The following MAP7D1 variants were observed in gnomAD, a reference collection of about 807,000 sequenced individuals.
The protein encoded by MAP7D1 is MAP7 domain containing 1.
Under a neutral mutation model 97.5 loss-of-function variants are expected in MAP7D1, and 30 were observed. That is an observed-to-expected ratio of 0.31 (90% CI 0.23 to 0.42). The LOEUF (loss-of-function observed/expected upper bound fraction) is 0.42. MAP7D1 is among the 10% of genes least tolerant of loss of function. MAP7D1 has a pLI of 1.00. For missense variants in MAP7D1, 1,184 were observed against 1,179.5 expected, an observed-to-expected ratio of 1.00 and a Z score of -0.06; for synonymous variants, 536 against 477.1, an observed-to-expected ratio of 1.12 and a Z score of -1.61.
In MAP7D1 at chr1:36,179,348, TG is replaced by T. The variant is rs750523579; in HGVS notation, c.2184+39del. 1.5e-5 allele frequency: 24 copies of T among 1,612,416 alleles called. No homozygotes were observed. In the South Asian group the frequency reaches 2.0e-4, roughly 13 times the overall value. On this transcript the variant is annotated intron_variant, in intron 13 of 16. Transcript: ENST00000474796. The stretch of plus-strand genomic sequence containing the variant: ...TTCCCCCGAAGGGCAGTGCTGGGCG[TG>T]GGGGGCAGGGTGTGAAAAGGAGGCT...
intron 8 of MAP7D1, chr1:36,177,600 G>A (rs1267806498): frequency 5.8e-6 from 4 of 694,436 alleles, no homozygotes; most frequent in East Asian, 2.8e-5. Context: ...CTGAGGACAC[G>A]TTGCTGAGCT....
chr1:36,157,635 C>G (rs1422041861), intron 1 of MAP7D1, among the ~76,000 whole-genome samples: 1 of 152,168 alleles, frequency 6.6e-6, no homozygotes, highest in African/African-American at 2.4e-5. Context: ...GCCCCATCCC[C>G]ACACCCCCAT....
chr1:36,178,954 G>C lies in MAP7D1; in HGVS notation c.2059G>C (p.Ala687Pro). ...EEAEARSREE[A>P]ERQRLEREKH... is the part of the protein sequence containing the mutation. ...GGCCGAAGCTCGGTCGCGGGAAGAG[G>C]CGGAGCGGCAGCGTCTGGAGCGGGA... Residue 687 changes from alanine to proline, a missense_variant, in exon 12 of 17, where the codon GCG becomes CCG. Ala to Pro is a conservative substitution (Grantham distance 27). Transcript: ENST00000474796. 6.4e-7 allele frequency: 1 copy of C among 1,558,926 alleles called. No homozygotes were observed. Among genetic ancestry groups the C allele is most frequent in the Non-Finnish European group, 8.7e-7 (1 of 1,151,550 alleles).
intron 3 of MAP7D1, chr1:36,172,239 G>A (rs1644555067): frequency 5.1e-6 from 2 of 393,462 alleles, no homozygotes. Flanking sequence ...TCAGCCCTGA[G>A]AGCCCATAAG....
chr1:36,177,000 G>T lies in MAP7D1; in HGVS notation c.1379+158G>T, dbSNP rs928054858. On this transcript the variant is annotated intron_variant, in intron 8 of 16. Transcript: ENST00000474796. The surrounding 1 kb of genome is among the most constrained non-coding windows in gnomAD (Gnocchi z 6.1). ...GGATCTCCCTCTGTCACCCAGGCTG[G>T]AGTGCAGTGGCACAATCTCGGCTCA... Among the ~76,000 whole-genome samples, 1 of 152,154 alleles carries T rather than the reference G, an allele frequency of 6.6e-6. No individual in the cohort carries two copies. The highest frequency in any genetic ancestry group is 1.5e-5 in the Non-Finnish European group (1 of 68,020).
chr1:36,177,162 C>T (rs1386553275), intron 8 of MAP7D1, among the ~76,000 whole-genome samples: 2 of 152,154 alleles, frequency 1.3e-5, no homozygotes, highest in Non-Finnish European at 2.9e-5. Context: ...GTTGTCCAGG[C>T]TGATCTTGAA....
At position 36,178,530 on chromosome 1, in the gene MAP7D1, G is replaced by A. The variant is rs1255070117; in HGVS notation, c.1820G>A (p.Arg607Gln). 1 of 1,603,812 alleles carries A rather than the reference G, an allele frequency of 6.2e-7. No homozygotes were observed. Among genetic ancestry groups the A allele is most frequent in the Non-Finnish European group, 8.5e-7 (1 of 1,175,686 alleles). ...GCCACTCGGCTCTTGGCTGAGAAGC[G>A]GCGCCAGGCCCGGGAGCAGCGGGAG... ...EEATRLLAEKRRQAREQRERE... is the reference protein window; with the variant it reads ...EEATRLLAEKQRQAREQRERE... Residue 607 changes from arginine (R) to glutamine (Q), a missense_variant, in exon 10 of 17, where the codon CGG (arginine) becomes CAG (glutamine). Arg to Gln is a conservative substitution (Grantham distance 43). Coordinates refer to ENST00000474796, the MANE Select transcript of MAP7D1 (RefSeq NM_001388490.1).
rs1393845386 is a variant in MAP7D1 at position 36,166,176 on chromosome 1, G to GT, written c.47-4792dup. On this transcript the variant is annotated intron_variant, in intron 1 of 16. Coordinates refer to ENST00000474796, the MANE Select transcript of MAP7D1 (RefSeq NM_001388490.1). ...GAGAAACAGCCACTGAGGAAATATT[G>GT]TTTCCTCAGTACAAAGCCCTGAGGC... Among the ~76,000 whole-genome samples the GT allele has an allele frequency of 1.2e-4, 18 of 152,246 alleles. No individual in the cohort carries two copies. The East Asian group carries it at 3.3e-3, about 28-fold the overall frequency.
At position 36,178,191 on chromosome 1, in the gene MAP7D1, G is replaced by A. The variant is rs1275374414; in HGVS notation, c.1698G>A (p.Glu566=). 1 of 1,567,468 alleles carries A rather than the reference G, an allele frequency of 6.4e-7. No homozygotes were observed. The highest frequency in any genetic ancestry group is 8.6e-7 in the Non-Finnish European group (1 of 1,157,608). The change falls in exon 9 of 17, where the codon GAG becomes GAA. Residue 566 remains glutamate, a synonymous_variant. Coordinates refer to ENST00000474796, the MANE Select transcript of MAP7D1 (RefSeq NM_001388490.1). The stretch of plus-strand genomic sequence containing the variant: ...CCCAGAAGGAGCAGCCCCCCGCGGA[G>A]ACCCCTACAGGTAGGAATGAAGAGA... ...APPQKEQPPA[E]TPTDAAVLTS...
At chr1:36,177,642 T>C (rs552529458) in intron 8 of MAP7D1, 1 of 763,120 alleles carries the variant, frequency 1.3e-6, no homozygotes, top group Non-Finnish European at 2.3e-6. Context: ...CTTATTAAGC[T>C]TACAGGCTAT....
intron 1 of MAP7D1, among the ~76,000 whole-genome samples, chr1:36,157,512 C>G (rs1287065956): frequency 6.6e-6 from 1 of 152,166 alleles, no homozygotes; most frequent in Non-Finnish European, 1.5e-5. Context: ...GGACAGGTTT[C>G]TGGTTGGGCT....
chr1:36,168,941 CAGTG>C (rs1481046465), intron 1 of MAP7D1, among the ~76,000 whole-genome samples: 1 of 152,030 alleles, frequency 6.6e-6, no homozygotes, highest in Non-Finnish European at 1.5e-5. Context: ...TAACTATTGT[CAGTG>C]AGGATTAAAA....
At chr1:36,168,686 G>A (rs1266656222) in intron 1 of MAP7D1, among the ~76,000 whole-genome samples, 3 of 152,250 alleles carry the variant, frequency 2.0e-5, no homozygotes, top group Admixed American at 6.5e-5. Context: ...ATCCTAGCAA[G>A]CTGGATGGGA....
At chr1:36,175,130 A>C (rs1886395) in intron 6 of MAP7D1, 122 bp downstream of exon 6, 1 of 669,106 alleles carries the variant, frequency 1.5e-6, no homozygotes. Flanking sequence ...CCCCATCCCC[A>C]CTCTACCTTA....
intron 1 of MAP7D1, among the ~76,000 whole-genome samples, chr1:36,164,740 T>C (rs1351117382): frequency 6.6e-6 from 1 of 152,150 alleles, no homozygotes; most frequent in African/African-American, 2.4e-5. Flanking sequence ...AAGTTTCAAG[T>C]GGCAAAGAGC....
At chr1:36,167,158 T>C (rs1644483866) in intron 1 of MAP7D1, among the ~76,000 whole-genome samples, 1 of 151,962 alleles carries the variant, frequency 6.6e-6, no homozygotes, top group African/African-American at 2.4e-5. Flanking sequence ...TGCGTGTGGA[T>C]AGAAAATAAA....
At chr1:36,173,325 C>A in intron 4 of MAP7D1, 39 bp from the exon 5 acceptor site, 2 of 1,500,600 alleles carry the variant, frequency 1.3e-6, no homozygotes, top group Non-Finnish European at 1.8e-6. Flanking sequence ...GATGAATGTT[C>A]TGAGTCCACA....
rs146238681 is a variant in MAP7D1 at position 36,156,602 on chromosome 1, TGCG to T, written c.46+151_46+153del. ...CACTTGGAAGTTTAAAAATAAAGGC[TGCG>T]GCGGCGGCGGCTCCAGGCTCGCGAT... On this transcript the variant is annotated intron_variant, in intron 1 of 16. Coordinates refer to ENST00000474796, the MANE Select transcript of MAP7D1 (RefSeq NM_001388490.1). 5,787 of 626,610 alleles carry T rather than the reference TGCG, an allele frequency of 9.2e-3. 223 individuals are homozygous for T. In the East Asian group the frequency reaches 0.12, roughly 13 times the overall value. 38.8% of individuals were successfully genotyped at this position (626,610 alleles called of 1,614,324 possible).
Position 36,171,159 on chromosome 1 carries a change from C to A in MAP7D1, c.235C>A (p.Pro79Thr). The change falls in exon 2 of 17, where the codon CCA becomes ACA. Residue 79 changes from proline to threonine, a missense_variant. Transcript: ENST00000474796. ...ESPSGQVGPRPAPPQEESPSS... is the reference protein window; with the variant it reads ...ESPSGQVGPRTAPPQEESPSS... ...CCCCTCAGGGCAGGTCGGGCCTAGG[C>A]CAGCCCCCCCGCAGGAAGAGTCCCC... 6.2e-7 allele frequency: 1 copy of A among 1,614,000 alleles called. No individual in the cohort carries two copies. Among genetic ancestry groups the A allele is most frequent in the Non-Finnish European group, 8.5e-7 (1 of 1,179,932 alleles).
Sources: gnomAD v4.1 joint callset for allele counts (sites outside exome capture counted in the v4.1 genomes callset) on GRCh38, gnomAD v4.1.1 for gene constraint, Gnocchi (gnomAD v3.1) non-coding constraint, MANE v1.5 for transcripts, NCBI Gene and HGNC (gene_info 2026-07-23, HGNC 2026-07-21) for gene names.